ZNF7: variants seen among roughly 807,000 people sequenced by gnomAD.
ZNF7 encodes C2-H2 type zinc finger protein.
Under a neutral mutation model 12.0 loss-of-function variants are expected in ZNF7, and 10 were observed. That is an observed-to-expected ratio of 0.83 (90% CI 0.51 to 1.42). The LOEUF (loss-of-function observed/expected upper bound fraction) is 1.42, where lower values mean the gene tolerates loss of function less well. Among genes scored for constraint, ZNF7 ranks in the 40% most tolerant of loss-of-function variants. The pLI is 0.00. For synonymous variants in ZNF7, 334 were observed against 295.0 expected (o/e 1.13, Z -1.35); for missense variants, 854 against 837.2 (o/e 1.02, Z -0.25).
rs1233150260 is a variant in ZNF7 at position 144,832,369 on chromosome 8, G to T, written c.130+2765G>T. On this transcript the variant is annotated intron_variant, in intron 3 of 4. Coordinates refer to ENST00000532777, the MANE Select transcript of ZNF7 (RefSeq NM_003416.4). ...ACCTGGGAGGCAGAGGTTGCAGTGAGCCGGGATTGTGCCACTGCACTCCAG... is the reference window on the plus strand; with the variant it reads ...ACCTGGGAGGCAGAGGTTGCAGTGATCCGGGATTGTGCCACTGCACTCCAG... Among the ~76,000 whole-genome samples, 2 of 98,202 alleles carry T rather than the reference G, an allele frequency of 2.0e-5. 1 individual carries two copies. Among genetic ancestry groups the T allele is most frequent in the African/African-American group, 6.0e-5 (2 of 33,546 alleles). The allele number at this position is 98,202 out of a possible 152,430, so 64.4% of individuals were successfully genotyped here.
chr8:144,829,776 C>G, intron 3 of ZNF7, 172 bp downstream of exon 3: 2 of 798,198 alleles, frequency 2.5e-6, no homozygotes, highest in Admixed American at 3.4e-5. Flanking sequence ...TTGCCCATGT[C>G]ATGGGGTTCA....
chr8:144,843,695 G>C lies in ZNF7; in HGVS notation c.*527G>C, dbSNP rs1181339424. On this transcript the variant is annotated 3_prime_UTR_variant, in exon 5 of 5. Coordinates refer to ENST00000532777, the MANE Select transcript of ZNF7 (RefSeq NM_003416.4). ...TAAAGCCTGTGTCCCTCAAAATCAG[G>C]GTGCAGTCTGCAGTTTTGAGTTGAC... is the stretch of plus-strand genomic sequence containing the variant. 1 of 152,218 alleles carries C rather than the reference G, an allele frequency of 6.6e-6. No homozygotes were observed. Among genetic ancestry groups the C allele is most frequent in the African/African-American group, 2.4e-5 (1 of 41,438 alleles). The allele number at this position is 152,218 out of a possible 1,614,324, so 9.4% of individuals were successfully genotyped here.
Position 144,843,405 on chromosome 8 carries a change from G to A in ZNF7, c.*237G>A. The A allele has an allele frequency of 2.4e-6, 1 of 410,654 alleles. No individual in the cohort carries two copies. Among genetic ancestry groups the A allele is most frequent in the Non-Finnish European group, 4.3e-6 (1 of 235,266 alleles). The allele number at this position is 410,654 out of a possible 1,614,324, so 25.4% of individuals were successfully genotyped here. A position where few individuals can be genotyped will look rare whatever the true frequency, so the allele number is the denominator to read the frequency against. ...GAGGTTGAGACCATCCTGGGTAACA[G>A]GTGAAACCCCATCTCTACTAAAAAT... On this transcript the variant is annotated 3_prime_UTR_variant, in exon 5 of 5. Transcript: ENST00000532777.
In ZNF7 at chr8:144,827,965, C is replaced by T. The variant is rs1245556524; in HGVS notation, c.-46+356C>T. Reference sequence around the variant, plus strand: ...GCCCTGACTCCTCCTGCGAAATCACCTCCTTCTAGAGCCTTTTCTCTTTCT... The same window carrying T: ...GCCCTGACTCCTCCTGCGAAATCACTTCCTTCTAGAGCCTTTTCTCTTTCT... On this transcript the variant is annotated intron_variant, in intron 1 of 4. Transcript: ENST00000532777. 5.9e-5 allele frequency: 9 copies of T among 152,452 alleles called. No individual in the cohort carries two copies. The East Asian group carries it at 1.5e-3, about 26-fold the overall frequency. The allele number at this position is 152,452 out of a possible 1,614,324, so 9.4% of individuals were successfully genotyped here. A position where few individuals can be genotyped will look rare whatever the true frequency, so the allele number is the denominator to read the frequency against.
At chr8:144,846,707 C>CT (rs538718188), downstream of ZNF7, 83 of 152,286 alleles carry the variant, frequency 5.5e-4, no homozygotes, top group South Asian at 0.012. Context: ...GAGGAGTCTT[C>CT]TTTTTTTTTG....
intron 1 of ZNF7, 25 bp downstream of exon 1, chr8:144,827,634 C>T (rs1031388091): frequency 1.3e-5 from 13 of 985,420 alleles, no homozygotes; most frequent in African/African-American, 3.5e-5. Context: ...CGGGCGCGGA[C>T]TCGGGTTGCC....
chr8:144,836,445 A>C (rs776299082), intron 3 of ZNF7: 2 of 152,248 alleles, frequency 1.3e-5, no homozygotes, highest in Non-Finnish European at 2.9e-5. Context: ...CAAGTAGCTA[A>C]TGGCATCTAA....
In ZNF7 at chr8:144,843,439, T is replaced by A; in HGVS notation, c.*271T>A. 3.7e-6 allele frequency: 1 copy of A among 273,796 alleles called. No individual in the cohort carries two copies. The highest frequency in any genetic ancestry group is 6.8e-6 in the Non-Finnish European group (1 of 147,136). 17.0% of individuals were successfully genotyped at this position (273,796 alleles called of 1,614,324 possible). ...CCATCTCTACTAAAAATACAAAAATTTAGCTGGGCGTGGTGGCAGGCACCT... is the reference window on the plus strand; with the variant it reads ...CCATCTCTACTAAAAATACAAAAATATAGCTGGGCGTGGTGGCAGGCACCT... On this transcript the variant is annotated 3_prime_UTR_variant, in exon 5 of 5. Coordinates refer to ENST00000532777, the MANE Select transcript of ZNF7 (RefSeq NM_003416.4).
chr8:144,846,321 C>A, downstream of ZNF7: 1 of 774,244 alleles, frequency 1.3e-6, no homozygotes, highest in Non-Finnish European at 2.0e-6. Flanking sequence ...CAGGGGCTGG[C>A]AAACCATTCG....
At chr8:144,846,175 C>G (rs1219901449), downstream of ZNF7, 4 of 1,535,910 alleles carry the variant, frequency 2.6e-6, no homozygotes, top group East Asian at 9.8e-5. Context: ...TATGGATGGT[C>G]TGAAAATTCC....
chr8:144,828,492 A>G (rs1260635589), intron 1 of ZNF7, among the ~76,000 whole-genome samples: 4 of 151,874 alleles, frequency 2.6e-5, no homozygotes, highest in Non-Finnish European at 4.4e-5. Context: ...GCTGCCGGGA[A>G]TTTACCCACA....
In ZNF7 at chr8:144,829,562, A is replaced by G; in HGVS notation, c.88A>G (p.Arg30Gly). 1 of 1,613,840 alleles carries G rather than the reference A, an allele frequency of 6.2e-7. No homozygotes were observed. Among genetic ancestry groups the G allele is most frequent in the Non-Finnish European group, 8.5e-7 (1 of 1,179,768 alleles). The change falls in exon 3 of 5, where the codon AGG (arginine) becomes GGG (glycine). Residue 30 changes from arginine to glycine, a missense_variant. Physicochemically the swap from Arg to Gly is moderately radical, Grantham distance 125. Coordinates refer to ENST00000532777, the MANE Select transcript of ZNF7 (RefSeq NM_003416.4). ...CLDPGQRALY[R>G]EVMLENHSSV... ...GGACCCTGGCCAGAGGGCCCTCTAC[A>G]GGGAAGTGATGCTGGAGAACCACAG...
At position 144,841,385 on chromosome 8, in the gene ZNF7, C is replaced by A; in HGVS notation, c.278C>A (p.Ala93Asp). 6.2e-7 allele frequency: 1 copy of A among 1,611,270 alleles called. No homozygotes were observed. Among genetic ancestry groups the A allele is most frequent in the Non-Finnish European group, 8.5e-7 (1 of 1,177,638 alleles). ...DSTIRTENEQ[A>D]CEDMDILKSE... The stretch of plus-strand genomic sequence containing the variant: ...ACGATTAGGACTGAAAATGAGCAGG[C>A]CTGTGAGGACATGGACATCCTAAAA... Residue 93 changes from alanine to aspartate, a missense_variant, in exon 5 of 5, where the codon GCC becomes GAC. Coordinates refer to ENST00000532777, the MANE Select transcript of ZNF7 (RefSeq NM_003416.4).
Position 144,842,486 on chromosome 8 carries a change from A to G in ZNF7, c.1379A>G (p.Gln460Arg). The stretch of plus-strand genomic sequence containing the variant: ...TGTAGTTCACGGCTTATTCGCCATC[A>G]GAGAACTCACACTGGAGAAAAACCA... Reference protein sequence around the residue: ...FGCSSRLIRHQRTHTGEKPFK... With the variant: ...FGCSSRLIRHRRTHTGEKPFK... The change falls in exon 5 of 5, where the codon CAG (glutamine) becomes CGG (arginine). Residue 460 changes from glutamine to arginine, a missense_variant. Physicochemically the swap from Gln to Arg is conservative, Grantham distance 43. Transcript: ENST00000532777. 1 of 1,614,216 alleles carries G rather than the reference A, an allele frequency of 6.2e-7. No individual in the cohort carries two copies. Among genetic ancestry groups the G allele is most frequent in the Non-Finnish European group, 8.5e-7 (1 of 1,180,044 alleles).
At chr8:144,835,563 A>G (rs1828897832) in intron 3 of ZNF7, 1 of 152,100 alleles carries the variant, frequency 6.6e-6, no homozygotes, top group Admixed American at 6.6e-5. Flanking sequence ...TTTTGGCAGC[A>G]TCTTCTCACT....
At chr8:144,841,212 T>C in intron 4 of ZNF7, 143 bp from the exon 5 acceptor site, 1 of 808,376 alleles carries the variant, frequency 1.2e-6, no homozygotes, top group Non-Finnish European at 2.0e-6. Flanking sequence ...AGGCTCTGCC[T>C]TCTCTTGCAC....
chr8:144,846,980 G>C (rs1830547322), downstream of ZNF7: 1 of 152,282 alleles, frequency 6.6e-6, no homozygotes, highest in African/African-American at 2.4e-5. Context: ...TGACAGGCGT[G>C]AGCCACCATG....
At position 144,841,457 on chromosome 8, in the gene ZNF7, C is replaced by T; in HGVS notation, c.350C>T (p.Pro117Leu). 1.2e-6 allele frequency: 2 copies of T among 1,614,230 alleles called. No homozygotes were observed. The highest frequency in any genetic ancestry group is 8.5e-7 in the Non-Finnish European group (1 of 1,180,042). ...GTCAGAATCTCCCCACAGGACTTTCCTCAGAATCCTGGCTTTGGAGACGTT... is the reference window on the plus strand; with the variant it reads ...GTCAGAATCTCCCCACAGGACTTTCTTCAGAATCCTGGCTTTGGAGACGTT... ...TVVRISPQDF[P>L]QNPGFGDVSD... The change falls in exon 5 of 5, where the codon CCT (proline) becomes CTT (leucine). Residue 117 changes from proline (P) to leucine (L), a missense_variant. Coordinates refer to ENST00000532777, the MANE Select transcript of ZNF7 (RefSeq NM_003416.4).
chr8:144,829,209 C>G, intron 2 of ZNF7, 119 bp downstream of exon 2: 1 of 1,573,254 alleles, frequency 6.4e-7, no homozygotes, highest in Non-Finnish European at 8.6e-7. Context: ...GGAAGGCCCC[C>G]TTGCCCCCAA....
Sources: gnomAD v4.1 joint callset for allele counts (sites outside exome capture counted in the v4.1 genomes callset) on GRCh38, gnomAD v4.1.1 for gene constraint, MANE v1.5 for transcripts, NCBI Gene and HGNC (gene_info 2026-07-23, HGNC 2026-07-21) for gene names.